Variants in ARAP2 observed in about 807,000 individuals in gnomAD.
The protein encoded by ARAP2 is arf-GAP with Rho-GAP domain, ANK repeat and PH domain-containing protein 2.
In ARAP2, 148 loss-of-function variants were observed where a neutral mutation model predicts 194.5. The ratio of observed to expected loss-of-function variants is 0.76; its 90% CI spans 0.67 to 0.87. The LOEUF is 0.87. Ranked by LOEUF, ARAP2 falls within the 40% of genes least tolerant of loss-of-function variation. The pLI is 0.00. For missense variants in ARAP2, 2,128 were observed against 1,989.7 expected, an observed-to-expected ratio of 1.07 and a Z score of -1.32; for synonymous variants, 695 against 683.5, an observed-to-expected ratio of 1.02 and a Z score of -0.26.
At chr4:36,026,636 A>G (rs1375989259) in intron 5 of ARAP2, among the ~76,000 whole-genome samples, 3 of 152,190 alleles carry the variant, frequency 2.0e-5, no homozygotes, top group Non-Finnish European at 4.4e-5. Flanking sequence ...CTCTGCCTCT[A>G]GGAGCCTGAA....
chr4:36,056,948 A>AC (rs1560333598), intron 2 of ARAP2, among the ~76,000 whole-genome samples: 1 of 145,204 alleles, frequency 6.9e-6, no homozygotes, highest in South Asian at 2.2e-4. Flanking sequence ...TGTTTACCTG[A>AC]TTTTTTTTTT....
chr4:36,092,777 T>C (rs1052550578), intron 27 of ARAP2, among the ~76,000 whole-genome samples: 3 of 152,186 alleles, frequency 2.0e-5, no homozygotes, highest in Non-Finnish European at 4.4e-5. Context: ...TAATTACATA[T>C]GTGGCTTGTA....
At chr4:36,240,292 G>A (rs982470932) in intron 1 of ARAP2, among the ~76,000 whole-genome samples, 7 of 151,966 alleles carry the variant, frequency 4.6e-5, no homozygotes, top group Non-Finnish European at 7.4e-5. Flanking sequence ...GGAATTCTTC[G>A]GTCTGCATAG....
At chr4:36,198,481 C>CCTG (rs1743646042) in intron 6 of ARAP2, among the ~76,000 whole-genome samples, 1 of 152,258 alleles carries the variant, frequency 6.6e-6, no homozygotes, top group Admixed American at 6.5e-5. Flanking sequence ...AGCTTCACCT[C>CCTG]CTGCTGCTGT....
rs1553923176 is a variant in ARAP2, at chr4:36,156,354, A to AGG, written c.2752+2375_2752+2376insCC. On this transcript the variant is annotated intron_variant, in intron 15 of 32. Coordinates refer to ENST00000303965, the MANE Select transcript of ARAP2 (RefSeq NM_015230.4). ...GAGGGAGGGAAAGAGAGAGAGAGAG[A>AGG]GAGGGAGGGAGGGAGGGAGGGGGAA... 2.3e-3 allele frequency among the ~76,000 whole-genome samples: 96 copies of AGG among 41,388 alleles called. 3 individuals carry two copies. Among genetic ancestry groups the AGG allele is most frequent in the Middle Eastern group, 0.016 (1 of 64 alleles). The allele number at this position is 41,388 out of a possible 152,430, so 27.2% of individuals were successfully genotyped here. A position where few individuals can be genotyped will look rare whatever the true frequency, so the allele number is the denominator to read the frequency against.
At chr4:36,107,479 T>C (rs909076142) in intron 27 of ARAP2, 86 bp downstream of exon 27, 6 of 1,392,724 alleles carry the variant, frequency 4.3e-6, no homozygotes, top group Non-Finnish European at 5.8e-6. Flanking sequence ...TTTTTCACAT[T>C]TTCAAATATT....
chr4:36,139,500 A>AT (rs1229941867), intron 19 of ARAP2, among the ~76,000 whole-genome samples: 3 of 151,654 alleles, frequency 2.0e-5, no homozygotes, highest in African/African-American at 7.3e-5. Context: ...TGTGGCTCAG[A>AT]TTTTTTAAAA....
chr4:36,216,821 C>A (rs1292567654), intron 2 of ARAP2, among the ~76,000 whole-genome samples: 3 of 152,176 alleles, frequency 2.0e-5, no homozygotes, highest in Non-Finnish European at 4.4e-5. Flanking sequence ...GAAATACTGT[C>A]ATGCATGGTT....
intron 32 of ARAP2, among the ~76,000 whole-genome samples, chr4:36,072,122 T>A (rs13106201): frequency 0.23 from 34,220 of 152,070 alleles, 4,790 homozygotes; most frequent in Non-Finnish European, 0.32. Context: ...AAAAAATTTC[T>A]ATTATTGCCT....
intron 20 of ARAP2, among the ~76,000 whole-genome samples, chr4:36,130,916 A>C (rs529312340): frequency 3.3e-5 from 5 of 152,034 alleles, no homozygotes; most frequent in African/African-American, 1.2e-4. Flanking sequence ...TAACTGAAAA[A>C]TAATTTGAAC....
chr4:36,080,415 A>G lies in ARAP2; in HGVS notation c.4545-136T>C, dbSNP rs1314368950. The G allele has an allele frequency of 6.1e-6, 4 of 660,796 alleles. No homozygotes were observed. The African/African-American group carries it at 7.3e-5, about 12-fold the overall frequency. The allele number at this position is 660,796 out of a possible 1,614,324, so 40.9% of individuals were successfully genotyped here. On this transcript the variant is annotated intron_variant, in intron 30 of 32. Coordinates refer to ENST00000303965, the MANE Select transcript of ARAP2 (RefSeq NM_015230.4). Reference sequence around the variant, plus strand: ...TGACGTAATGCAATCACAAAAGTGGAACATTTCAGTACAAGTTGTTTTGGT... The same window carrying G: ...TGACGTAATGCAATCACAAAAGTGGGACATTTCAGTACAAGTTGTTTTGGT...
At chr4:36,036,895 T>A (rs954065952) in intron 5 of ARAP2, among the ~76,000 whole-genome samples, 1 of 152,168 alleles carries the variant, frequency 6.6e-6, no homozygotes, top group African/African-American at 2.4e-5. Context: ...TGTCTTCATA[T>A]AAGTTTCACC....
intron 15 of ARAP2, among the ~76,000 whole-genome samples, chr4:36,156,354 AGAGG>A (rs780958515): frequency 3.4e-4 from 14 of 41,394 alleles, no homozygotes; most frequent in African/African-American, 6.4e-4. Context: ...AGAGAGAGAG[AGAGG>A]GAGGGAGGGA....
intron 27 of ARAP2, among the ~76,000 whole-genome samples, chr4:36,094,130 A>G (rs554947099): frequency 6.6e-6 from 1 of 152,324 alleles, no homozygotes; most frequent in Admixed American, 6.5e-5. Context: ...CTGCAGGCCA[A>G]ATCCAACCCT....
intron 5 of ARAP2, among the ~76,000 whole-genome samples, chr4:36,043,826 A>G (rs868112184): frequency 1.5e-4 from 4 of 27,378 alleles, no homozygotes; most frequent in Admixed American, 7.3e-4. Context: ...AAGGGAAGGG[A>G]AGGGGAGGGG....
chr4:36,016,678 C>G (rs955332843), intron 6 of ARAP2, among the ~76,000 whole-genome samples: 1 of 152,114 alleles, frequency 6.6e-6, no homozygotes, highest in African/African-American at 2.4e-5. Flanking sequence ...CTTTTTGATA[C>G]TCTTTTAATT....
At position 36,237,524 on chromosome 4, in the gene ARAP2, G is replaced by C. The variant is rs573101075; in HGVS notation, c.-160+6655C>G. Among the ~76,000 whole-genome samples, 39 of 152,262 alleles carry C rather than the reference G, an allele frequency of 2.6e-4. 1 individual carries two copies. Among genetic ancestry groups the C allele is most frequent in the Non-Finnish European group, 5.1e-4 (35 of 68,014 alleles). ...GTGGTAATGAGTGAGTTCTCTATGA[G>C]TTCATGCAAGATCTGCTTGTTCAAG... is the stretch of plus-strand genomic sequence containing the variant. On this transcript the variant is annotated intron_variant, in intron 1 of 32. Transcript: ENST00000303965.
At chr4:36,153,064 G>A (rs1307668283) in intron 15 of ARAP2, among the ~76,000 whole-genome samples, 2 of 152,096 alleles carry the variant, frequency 1.3e-5, no homozygotes, top group East Asian at 3.8e-4. Flanking sequence ...AATTCTAATG[G>A]GAAACAAATG....
chr4:36,219,037 C>A (rs75007424), intron 2 of ARAP2, among the ~76,000 whole-genome samples: 2,075 of 152,266 alleles, frequency 0.014, 45 homozygotes, highest in African/African-American at 0.04. Flanking sequence ...AACAAAATAA[C>A]ACTACACATG....
Sources: gnomAD v4.1 joint callset for allele counts (sites outside exome capture counted in the v4.1 genomes callset) on GRCh38, gnomAD v4.1.1 for gene constraint, MANE v1.5 for transcripts, NCBI Gene and HGNC (gene_info 2026-07-23, HGNC 2026-07-21) for gene names.